Variants in SLC35F4 observed in about 807,000 individuals in gnomAD.
SLC35F4 encodes the protein chromosome 14 open reading frame 36.
In SLC35F4, 24 loss-of-function variants were observed where a neutral mutation model predicts 44.2. The ratio of observed to expected loss-of-function variants is 0.54; its 90% confidence interval spans 0.39 to 0.76. SLC35F4 has a LOEUF of 0.76. Among genes scored for constraint, SLC35F4 ranks in the 30% least tolerant of loss-of-function variants. SLC35F4 has a pLI of 0.00. For missense variants in SLC35F4, 562 were observed against 586.1 expected (o/e 0.96, Z 0.42); for synonymous variants, 238 against 223.6 (o/e 1.06, Z -0.57).
intron 1 of SLC35F4, chr14:57,595,720 T>TTGGCTACTGAGTACCTTTGATTTGTC (rs1566661743): frequency 2.0e-5 from 3 of 152,354 alleles, no homozygotes; most frequent in African/African-American, 7.2e-5. Context: ...CTCTTTTAGA[T>TTGGCTACTGAGTACCTTTGATTTGTC]TGGCTACTGA....
intron 1 of SLC35F4, among the ~76,000 whole-genome samples, chr14:57,744,090 G>T (rs1180628904): frequency 6.6e-6 from 1 of 152,076 alleles, no homozygotes; most frequent in African/African-American, 2.4e-5. Flanking sequence ...AATAATAAGA[G>T]CTATTTATGG....
rs1881574797 is a variant in SLC35F4, at chr14:57,808,272, T to C, written c.103+57451A>G. Among the ~76,000 whole-genome samples, 8 of 151,870 alleles carry C rather than the reference T, an allele frequency of 5.3e-5. No individual in the cohort carries two copies. The South Asian group carries it at 1.7e-3, about 31-fold the overall frequency. Reference sequence around the variant, plus strand: ...AACTGATGCATGGAAAGATCAGTAATTTGGCTCAAAGTCAGACAGCAACTG... The same window carrying C: ...AACTGATGCATGGAAAGATCAGTAACTTGGCTCAAAGTCAGACAGCAACTG... On this transcript the variant is annotated intron_variant, in intron 1 of 7. Transcript: ENST00000556826.
At chr14:57,652,118 A>G (rs1352725371) in intron 1 of SLC35F4, among the ~76,000 whole-genome samples, 3 of 152,218 alleles carry the variant, frequency 2.0e-5, no homozygotes, top group Admixed American at 6.5e-5. Flanking sequence ...TGAATTTTAA[A>G]TGGAATGTGA....
chr14:57,679,142 A>C (rs1426792592), intron 1 of SLC35F4, among the ~76,000 whole-genome samples: 1 of 152,086 alleles, frequency 6.6e-6, no homozygotes, highest in Non-Finnish European at 1.5e-5. Flanking sequence ...CTCCTCTGCA[A>C]ATGCAAAAGA....
At chr14:57,595,558 T>C (rs2070442165) in intron 1 of SLC35F4, among the ~76,000 whole-genome samples, 1 of 152,196 alleles carries the variant, frequency 6.6e-6, no homozygotes, top group African/African-American at 2.4e-5. Context: ...CTGGATTTCT[T>C]CTGTAAAGAT....
chr14:57,779,678 C>G (rs190657568), intron 1 of SLC35F4, among the ~76,000 whole-genome samples: 5 of 152,222 alleles, frequency 3.3e-5, no homozygotes. Flanking sequence ...ATGCAAAAAC[C>G]TTCAACAAAA....
At chr14:57,627,336 T>C (rs1478371473) in intron 1 of SLC35F4, among the ~76,000 whole-genome samples, 4 of 152,106 alleles carry the variant, frequency 2.6e-5, no homozygotes, top group African/African-American at 4.8e-5. Context: ...AGAAACAAGA[T>C]TGAGGAAGAA....
intron 1 of SLC35F4, among the ~76,000 whole-genome samples, chr14:57,617,865 G>C (rs1020623175): frequency 2.0e-5 from 3 of 151,320 alleles, no homozygotes; most frequent in African/African-American, 7.3e-5. Flanking sequence ...TGATAGTTTA[G>C]TTTTTAGTTT....
At chr14:57,763,153 TAA>T (rs1310514754) in intron 1 of SLC35F4, among the ~76,000 whole-genome samples, 1 of 152,196 alleles carries the variant, frequency 6.6e-6, no homozygotes, top group African/African-American at 2.4e-5. Flanking sequence ...ATTAATGTGT[TAA>T]GTTTTAGCTA....
At chr14:57,818,969 C>T (rs1010017486) in intron 1 of SLC35F4, among the ~76,000 whole-genome samples, 4 of 152,118 alleles carry the variant, frequency 2.6e-5, no homozygotes, top group African/African-American at 4.8e-5. Context: ...CCTTTAAATT[C>T]GGTTTCAAGA....
intron 1 of SLC35F4, among the ~76,000 whole-genome samples, chr14:57,686,714 T>C (rs972223328): frequency 1.3e-5 from 2 of 152,202 alleles, no homozygotes; most frequent in Admixed American, 6.6e-5. Context: ...AGGATACTCA[T>C]TTATTTTTCA....
At chr14:57,905,735 G>C (rs1326206185) in intron 1 of SLC35F4, among the ~76,000 whole-genome samples, 2 of 152,138 alleles carry the variant, frequency 1.3e-5, no homozygotes, top group Non-Finnish European at 2.9e-5. Flanking sequence ...GAAAACAATA[G>C]CAGTTAAAGA....
At chr14:57,698,977 A>C (rs1024218147) in intron 1 of SLC35F4, among the ~76,000 whole-genome samples, 6 of 152,172 alleles carry the variant, frequency 3.9e-5, no homozygotes, top group African/African-American at 1.4e-4. Context: ...AGCAGATGCC[A>C]ACCAAAAAAG....
intron 1 of SLC35F4, among the ~76,000 whole-genome samples, chr14:57,704,551 C>T (rs985944823): frequency 6.6e-5 from 10 of 152,090 alleles, no homozygotes; most frequent in Non-Finnish European, 1.5e-4. Context: ...CAAGATATGA[C>T]ATGATACCCA....
At chr14:57,954,747 G>A (rs2141083220) in intron 1 of SLC35F4, among the ~76,000 whole-genome samples, 1 of 152,026 alleles carries the variant, frequency 6.6e-6, no homozygotes, top group East Asian at 1.9e-4. Flanking sequence ...TCTCTGAATA[G>A]ACCAATAGTA....
At chr14:57,934,747 T>C (rs1889766465) in intron 1 of SLC35F4, among the ~76,000 whole-genome samples, 1 of 152,112 alleles carries the variant, frequency 6.6e-6, no homozygotes, top group Non-Finnish European at 1.5e-5. Flanking sequence ...CAGAGCTTTT[T>C]CTCTTAGCTG....
chr14:57,739,174 C>T (rs1350865026), intron 1 of SLC35F4, among the ~76,000 whole-genome samples: 1 of 152,006 alleles, frequency 6.6e-6, no homozygotes. Context: ...ACAGAGAGTC[C>T]TGAGGGTACC....
chr14:57,773,265 G>T (rs551780793), intron 1 of SLC35F4, among the ~76,000 whole-genome samples: 2 of 152,154 alleles, frequency 1.3e-5, no homozygotes, highest in Non-Finnish European at 2.9e-5. Context: ...ATTTGCAAAT[G>T]CACTGACTAG....
At chr14:57,597,980 T>C (rs974877899) in intron 1 of SLC35F4, among the ~76,000 whole-genome samples, 1 of 152,138 alleles carries the variant, frequency 6.6e-6, no homozygotes, top group Admixed American at 6.5e-5. Flanking sequence ...ATTTATTAAA[T>C]AGAATATTTG....
Sources: gnomAD v4.1 joint callset for allele counts (sites outside exome capture counted in the v4.1 genomes callset) on GRCh38, gnomAD v4.1.1 for gene constraint, MANE v1.5 for transcripts, NCBI Gene and HGNC (gene_info 2026-07-23, HGNC 2026-07-21) for gene names.